ROR2: variants seen among roughly 807,000 people sequenced by gnomAD.
ROR2 encodes the protein ROR family WNT receptor 2.
Under a neutral mutation model 74.9 loss-of-function variants are expected in ROR2, and 33 were observed. That is an observed-to-expected ratio of 0.44 (90% CI 0.33 to 0.59). The LOEUF (loss-of-function observed/expected upper bound fraction) is 0.59, where lower values mean the gene tolerates loss of function less well. Among genes scored for constraint, ROR2 ranks in the 20% least tolerant of loss-of-function variants. ROR2 has a pLI of 0.02. For synonymous variants in ROR2, 586 were observed against 558.7 expected, an observed-to-expected ratio of 1.05 and a Z score of -0.69; for missense variants, 1,216 against 1,313.8, an observed-to-expected ratio of 0.93 and a Z score of 1.15.
At chr9:91,775,869 C>T (rs369002871) in intron 1 of ROR2, 51 bp from the exon 2 acceptor site, 1 of 1,519,264 alleles carries the variant, frequency 6.6e-7, no homozygotes, top group Non-Finnish European at 9.1e-7. Flanking sequence ...CTTTCAGGAG[C>T]CTTTAATTTG....
chr9:91,891,400 C>G (rs1001395872), intron 1 of ROR2, among the ~76,000 whole-genome samples: 2 of 152,130 alleles, frequency 1.3e-5, no homozygotes, highest in Admixed American at 6.5e-5. Context: ...TCCTGAGTAG[C>G]TGGGATTACA....
intron 1 of ROR2, among the ~76,000 whole-genome samples, chr9:91,938,992 T>C (rs934777911): frequency 2.0e-5 from 3 of 152,232 alleles, no homozygotes; most frequent in African/African-American, 4.8e-5. Flanking sequence ...GGCTCATGTC[T>C]GTAATTCCAG....
intron 4 of ROR2, among the ~76,000 whole-genome samples, chr9:91,741,561 A>G (rs1415558440): frequency 1.3e-5 from 2 of 152,146 alleles, no homozygotes; most frequent in African/African-American, 4.8e-5. Flanking sequence ...AGGCTTTTTT[A>G]AGGTTGAAAA....
chr9:91,947,713 G>C (rs1832047452), intron 1 of ROR2, among the ~76,000 whole-genome samples: 1 of 152,152 alleles, frequency 6.6e-6, no homozygotes, highest in South Asian at 2.1e-4. Flanking sequence ...AGAGGAAACA[G>C]AGTCTTGCTA....
At chr9:91,725,530 T>C (rs1328918059) in intron 8 of ROR2, among the ~76,000 whole-genome samples, 3 of 152,184 alleles carry the variant, frequency 2.0e-5, no homozygotes, top group Non-Finnish European at 4.4e-5. Flanking sequence ...TCACGTGAGA[T>C]GTGATGTCTT....
chr9:91,941,561 C>T (rs1387232960), intron 1 of ROR2, among the ~76,000 whole-genome samples: 1 of 152,202 alleles, frequency 6.6e-6, no homozygotes, highest in Non-Finnish European at 1.5e-5. Flanking sequence ...AGTCTGACAA[C>T]ACGTTTAAAT....
intron 1 of ROR2, 58 bp downstream of exon 1, chr9:91,949,809 G>T: frequency 8.9e-7 from 1 of 1,117,648 alleles, no homozygotes; most frequent in Non-Finnish European, 1.3e-6. Flanking sequence ...CGGCGGAAGG[G>T]CTGGCCAAGC....
intron 1 of ROR2, among the ~76,000 whole-genome samples, chr9:91,807,587 G>A (rs564251648): frequency 3.9e-5 from 6 of 152,318 alleles, no homozygotes; most frequent in African/African-American, 1.4e-4. Flanking sequence ...CTTGCAACTG[G>A]TGGGAAGAAG....
At chr9:91,949,719 C>T in intron 1 of ROR2, 148 bp downstream of exon 1, 1 of 660,696 alleles carries the variant, frequency 1.5e-6, no homozygotes. Flanking sequence ...GGAGCGGCGT[C>T]GGGCGAGATG....
chr9:91,927,114 C>T (rs1831426043), intron 1 of ROR2, among the ~76,000 whole-genome samples: 1 of 152,224 alleles, frequency 6.6e-6, no homozygotes, highest in Non-Finnish European at 1.5e-5. Context: ...TGCCCCATTT[C>T]ATGGGCCATA....
chr9:91,798,180 G>A (rs1348646755), intron 1 of ROR2, among the ~76,000 whole-genome samples: 1 of 65,734 alleles, frequency 1.5e-5, no homozygotes, highest in Non-Finnish European at 3.0e-5. Flanking sequence ...CTAGTGGGTG[G>A]AGTTGACACC....
At chr9:91,746,686 A>C (rs1194372295) in intron 4 of ROR2, among the ~76,000 whole-genome samples, 2 of 152,184 alleles carry the variant, frequency 1.3e-5, no homozygotes. Flanking sequence ...GAAAACAAGG[A>C]GTCCCGGGTC....
chr9:91,893,579 T>A (rs992443012), intron 1 of ROR2, among the ~76,000 whole-genome samples: 3 of 152,242 alleles, frequency 2.0e-5, no homozygotes, highest in African/African-American at 7.2e-5. Flanking sequence ...TTTACTCATT[T>A]TAGTCATTTC....
intron 1 of ROR2, among the ~76,000 whole-genome samples, chr9:91,892,880 A>C (rs1265025483): frequency 6.6e-6 from 1 of 152,136 alleles, no homozygotes; most frequent in African/African-American, 2.4e-5. Context: ...GTGAGCCACC[A>C]TGCCTGGCCA....
intron 2 of ROR2, 152 bp from the exon 3 acceptor site, chr9:91,757,711 A>C: frequency 1.2e-6 from 1 of 816,696 alleles, no homozygotes; most frequent in Non-Finnish European, 2.0e-6. Context: ...TATCTTCTAG[A>C]AAGCTACAGG....
At chr9:91,736,354 A>T (rs1009277436) in intron 5 of ROR2, among the ~76,000 whole-genome samples, 1 of 152,214 alleles carries the variant, frequency 6.6e-6, no homozygotes, top group Non-Finnish European at 1.5e-5. Flanking sequence ...AGGGCTTGTC[A>T]GTGACATGAG....
chr9:91,802,068 T>G (rs929749405), intron 1 of ROR2, among the ~76,000 whole-genome samples: 1 of 78,640 alleles, frequency 1.3e-5, no homozygotes, highest in Non-Finnish European at 2.2e-5. Flanking sequence ...TTGGAAGGTG[T>G]TTTTTTTTTT....
chr9:91,884,356 T>G (rs905068694), intron 1 of ROR2, among the ~76,000 whole-genome samples: 8 of 151,272 alleles, frequency 5.3e-5, no homozygotes, highest in Non-Finnish European at 1.2e-4. Flanking sequence ...GGTACCCCTG[T>G]GACAGGGAGT....
At chr9:91,911,513 G>A (rs548733044) in intron 1 of ROR2, among the ~76,000 whole-genome samples, 12 of 152,200 alleles carry the variant, frequency 7.9e-5, no homozygotes, top group Non-Finnish European at 1.6e-4. Flanking sequence ...ATTACGTGGC[G>A]CATTACCATA....
Sources: gnomAD v4.1 joint callset for allele counts (sites outside exome capture counted in the v4.1 genomes callset) on GRCh38, gnomAD v4.1.1 for gene constraint, MANE v1.5 for transcripts, NCBI Gene and HGNC (gene_info 2026-07-23, HGNC 2026-07-21) for gene names.